Variants in MACROD2 observed in about 807,000 individuals in gnomAD.
MACROD2 encodes the protein mono-ADP ribosylhydrolase 2.
MACROD2 carries 36 observed loss-of-function variants against 70.4 expected under a neutral mutation model. The observed-to-expected ratio is 0.51, with a 90% CI of 0.39 to 0.68. The LOEUF (loss-of-function observed/expected upper bound fraction) is 0.68, where lower values mean the gene tolerates loss of function less well. Ranked by LOEUF, MACROD2 falls within the 30% of genes least tolerant of loss-of-function variation. MACROD2 has a pLI of 0.00. For missense variants in MACROD2, 496 were observed against 538.4 expected (o/e 0.92, Z 0.78); for synonymous variants, 172 against 178.8 (o/e 0.96, Z 0.30).
intron 3 of MACROD2, among the ~76,000 whole-genome samples, chr20:14,256,033 C>T (rs1321773849): frequency 6.6e-6 from 1 of 151,946 alleles, no homozygotes; most frequent in Admixed American, 6.6e-5. Context: ...TGTCTGTCCC[C>T]CAAGCCCTTT....
At chr20:14,641,211 C>T (rs904319369) in intron 4 of MACROD2, among the ~76,000 whole-genome samples, 3 of 152,192 alleles carry the variant, frequency 2.0e-5, no homozygotes, top group African/African-American at 7.2e-5. Context: ...AGAAGCAACT[C>T]TTCATTGGCT....
chr20:14,539,937 C>G (rs1448492570), intron 4 of MACROD2, among the ~76,000 whole-genome samples: 1 of 152,146 alleles, frequency 6.6e-6, no homozygotes, highest in East Asian at 1.9e-4. Flanking sequence ...CTAAGCAAAT[C>G]TGTTTCACAT....
chr20:15,759,100 T>C (rs6043521), intron 8 of MACROD2, among the ~76,000 whole-genome samples: 68,732 of 145,204 alleles, frequency 0.47, 16,595 homozygotes, highest in African/African-American at 0.6. Flanking sequence ...GAGCCAAGAT[T>C]GCGCCACTGT....
intron 4 of MACROD2, among the ~76,000 whole-genome samples, chr20:14,523,214 C>T (rs949296678): frequency 3.3e-5 from 5 of 152,272 alleles, no homozygotes; most frequent in East Asian, 1.9e-4. Context: ...AAAAACCTTT[C>T]GAGGCCTCAC....
intron 8 of MACROD2, among the ~76,000 whole-genome samples, chr20:15,601,199 G>A (rs1186134787): frequency 2.0e-5 from 3 of 152,130 alleles, no homozygotes; most frequent in African/African-American, 7.2e-5. Flanking sequence ...CCAGTTGTCA[G>A]CCCCCCTTAT....
At chr20:14,724,869 C>A (rs2071509719) in intron 5 of MACROD2, among the ~76,000 whole-genome samples, 1 of 152,094 alleles carries the variant, frequency 6.6e-6, no homozygotes, top group Non-Finnish European at 1.5e-5. Context: ...AGCACCATGG[C>A]TTGCTTAGTA....
chr20:15,671,880 A>T (rs756683722), intron 8 of MACROD2, among the ~76,000 whole-genome samples: 2 of 152,226 alleles, frequency 1.3e-5, no homozygotes, highest in African/African-American at 4.8e-5. Flanking sequence ...ACATTGAATT[A>T]TTGGACTGAA....
chr20:15,284,145 A>G lies in MACROD2; in HGVS notation c.540+54084A>G, dbSNP rs182787051. 2.2e-3 allele frequency among the ~76,000 whole-genome samples: 332 copies of G among 152,286 alleles called. 2 individuals are homozygous for G. The highest frequency in any genetic ancestry group is 7.3e-3 in the African/African-American group (302 of 41,568). On this transcript the variant is annotated intron_variant, in intron 6 of 17. Coordinates refer to ENST00000684519, the MANE Select transcript of MACROD2 (RefSeq NM_001351661.2). ...GTAACTTTTTTACATAGTTTGTTTG[A>G]ATCAAGATATCTTGTGCCTTTTTTA...
intron 3 of MACROD2, among the ~76,000 whole-genome samples, chr20:14,175,085 A>T (rs1436993140): frequency 2.0e-5 from 3 of 151,904 alleles, no homozygotes; most frequent in Admixed American, 2.0e-4. Flanking sequence ...GGGTCTCTGG[A>T]TTCTCTTGGT....
intron 4 of MACROD2, among the ~76,000 whole-genome samples, chr20:14,645,237 CAT>C (rs2123499233): frequency 6.6e-6 from 1 of 152,124 alleles, no homozygotes; most frequent in East Asian, 1.9e-4. Context: ...ATTTATTAAA[CAT>C]ATTTACAAAA....
intron 5 of MACROD2, among the ~76,000 whole-genome samples, chr20:14,738,700 T>TAC (rs1600608217): frequency 1.3e-5 from 2 of 151,772 alleles, no homozygotes; most frequent in East Asian, 3.8e-4. Flanking sequence ...TATATTAACA[T>TAC]ATAATCTATA....
At chr20:15,960,716 A>G (rs936199206) in intron 12 of MACROD2, among the ~76,000 whole-genome samples, 1 of 152,136 alleles carries the variant, frequency 6.6e-6, no homozygotes, top group Middle Eastern at 3.2e-3. Flanking sequence ...TGGGGTATTT[A>G]TCTCCCAAAT....
chr20:14,019,279 T>G (rs1385169112), intron 2 of MACROD2, among the ~76,000 whole-genome samples: 1 of 151,982 alleles, frequency 6.6e-6, no homozygotes, highest in Non-Finnish European at 1.5e-5. Context: ...AGCGTAGTGT[T>G]TGTTTGTTTT....
chr20:14,649,035 T>C (rs1985541856), intron 4 of MACROD2, among the ~76,000 whole-genome samples: 1 of 151,986 alleles, frequency 6.6e-6, no homozygotes, highest in Non-Finnish European at 1.5e-5. Flanking sequence ...AGACCTGGAG[T>C]CCTGTGTATG....
chr20:14,762,613 G>T, intron 5 of MACROD2, among the ~76,000 whole-genome samples: 1 of 152,088 alleles, frequency 6.6e-6, no homozygotes, highest in Non-Finnish European at 1.5e-5. Context: ...GCCTATGTCA[G>T]TGTGGAACTT....
At chr20:14,972,302 A>G (rs1447374207) in intron 5 of MACROD2, among the ~76,000 whole-genome samples, 2 of 151,604 alleles carry the variant, frequency 1.3e-5, no homozygotes, top group South Asian at 2.1e-4. Flanking sequence ...CATTGCATTA[A>G]AACATGTGGG....
intron 4 of MACROD2, among the ~76,000 whole-genome samples, chr20:14,526,936 C>T (rs541688768): frequency 6.6e-6 from 1 of 152,354 alleles, no homozygotes; most frequent in East Asian, 1.9e-4. Flanking sequence ...AGACAAAGGG[C>T]TTTCTGTATC....
At chr20:15,752,956 G>A (rs2051294332) in intron 8 of MACROD2, among the ~76,000 whole-genome samples, 1 of 152,046 alleles carries the variant, frequency 6.6e-6, no homozygotes, top group African/African-American at 2.4e-5. Context: ...TTGTATATGT[G>A]TGTATATTTA....
chr20:15,826,384 T>C (rs2063997432), intron 8 of MACROD2, among the ~76,000 whole-genome samples: 2 of 152,228 alleles, frequency 1.3e-5, no homozygotes, highest in South Asian at 4.1e-4. Flanking sequence ...TAAGTTCTAC[T>C]GCATATGCCA....
Sources: gnomAD v4.1 joint callset for allele counts (sites outside exome capture counted in the v4.1 genomes callset) on GRCh38, gnomAD v4.1.1 for gene constraint, MANE v1.5 for transcripts, NCBI Gene and HGNC (gene_info 2026-07-23, HGNC 2026-07-21) for gene names.